CFAP53: variants seen among roughly 807,000 people sequenced by gnomAD.
The protein encoded by CFAP53 is cilia and flagella associated protein 53.
A neutral mutation model predicts 59.7 loss-of-function variants in CFAP53; 62 were observed. That is an observed-to-expected ratio of 1.04 (90% confidence interval 0.85 to 1.28). The LOEUF (loss-of-function observed/expected upper bound fraction) is 1.28, where lower values mean the gene tolerates loss of function less well. Ranked by LOEUF, CFAP53 falls within the 50% of genes most tolerant of loss-of-function variation. The probability of loss-of-function intolerance (pLI) is 0.00; values close to 1 mark genes in which losing one functional copy is unlikely to be tolerated. For missense variants in CFAP53, 629 were observed against 615.6 expected (o/e 1.02, Z -0.23); for synonymous variants, 218 against 205.7 (o/e 1.06, Z -0.51).
At chr18:50,253,263 G>A (rs953556381) in intron 3 of CFAP53, among the ~76,000 whole-genome samples, 1 of 152,042 alleles carries the variant, frequency 6.6e-6, no homozygotes, top group African/African-American at 2.4e-5. Context: ...TGATCCACCC[G>A]CCTCAGCCTC....
At chr18:50,229,986 G>C (rs957207475) in intron 7 of CFAP53, among the ~76,000 whole-genome samples, 8 of 151,954 alleles carry the variant, frequency 5.3e-5, no homozygotes, top group Non-Finnish European at 8.8e-5. Flanking sequence ...TCAAACTCCT[G>C]GGTTCAAGAG....
intron 3 of CFAP53, among the ~76,000 whole-genome samples, chr18:50,259,043 G>A (rs993374681): frequency 2.6e-5 from 4 of 152,142 alleles, no homozygotes; most frequent in African/African-American, 9.7e-5. Flanking sequence ...ACAGTTTGGA[G>A]GTTCCTCAAA....
chr18:50,237,517 C>T (rs1431838120), intron 7 of CFAP53, among the ~76,000 whole-genome samples: 1 of 150,570 alleles, frequency 6.6e-6, no homozygotes, highest in Non-Finnish European at 1.5e-5. Flanking sequence ...AGATCAGGCA[C>T]ATTAACCATA....
intron 5 of CFAP53, among the ~76,000 whole-genome samples, chr18:50,247,853 T>G (rs76123398): frequency 6.6e-6 from 1 of 152,204 alleles, no homozygotes; most frequent in East Asian, 1.9e-4. Flanking sequence ...TGTTCTAAAA[T>G]AAAATGTGAT....
At chr18:50,264,170 C>T (rs1034154938) in intron 1 of CFAP53, among the ~76,000 whole-genome samples, 1 of 152,152 alleles carries the variant, frequency 6.6e-6, no homozygotes, top group African/African-American at 2.4e-5. Context: ...TTCAAGTGCT[C>T]AAATGCTATG....
At chr18:50,263,459 A>T (rs2144438867) in intron 1 of CFAP53, among the ~76,000 whole-genome samples, 1 of 152,344 alleles carries the variant, frequency 6.6e-6, no homozygotes, top group Non-Finnish European at 1.5e-5. Context: ...GGCTCAGGGT[A>T]CACATATAGG....
chr18:50,264,886 G>A (rs1599134627), intron 1 of CFAP53, among the ~76,000 whole-genome samples: 1 of 152,204 alleles, frequency 6.6e-6, no homozygotes, highest in Non-Finnish European at 1.5e-5. Flanking sequence ...TTCATGAAGT[G>A]TGTTTATAAT....
intron 6 of CFAP53, among the ~76,000 whole-genome samples, chr18:50,239,119 G>C (rs2033664339): frequency 6.6e-6 from 1 of 150,796 alleles, no homozygotes; most frequent in African/African-American, 2.4e-5. Flanking sequence ...TGGGCACAAT[G>C]CCTCATGCCG....
chr18:50,265,441 A>C (rs2033941621), intron 1 of CFAP53, among the ~76,000 whole-genome samples: 1 of 152,246 alleles, frequency 6.6e-6, no homozygotes, highest in East Asian at 1.9e-4. Flanking sequence ...ATCCAAAAAA[A>C]AAATCTGAAA....
chr18:50,261,155 CTT>C lies in CFAP53; in HGVS notation c.380_381del (p.Lys127ArgfsTer2). 6.3e-7 allele frequency: 1 copy of C among 1,592,566 alleles called. No homozygotes were observed. Among genetic ancestry groups the C allele is most frequent in the Non-Finnish European group, 8.5e-7 (1 of 1,174,324 alleles). On this transcript the variant is annotated frameshift_variant, in exon 3 of 8. Transcript: ENST00000398545. LOFTEE classifies it high-confidence loss of function. ...AATTTAGTTTTCTCTCTCATCCTATCTTTTTTCTCCTCAATGGTTTCTTTCTT... is the reference window on the plus strand; with the variant it reads ...AATTTAGTTTTCTCTCTCATCCTATCTTTTCTCCTCAATGGTTTCTTTCTT... ...QLKKETIEEK[K>X]DRMREKTKLL... is the part of the protein sequence containing the mutation.
At chr18:50,255,464 A>G (rs781719701) in intron 3 of CFAP53, among the ~76,000 whole-genome samples, 28 of 152,166 alleles carry the variant, frequency 1.8e-4, no homozygotes, top group Non-Finnish European at 3.7e-4. Context: ...ATTGTATTAC[A>G]ATTATGTAAG....
At chr18:50,261,378 G>C in intron 2 of CFAP53, 141 bp from the exon 3 acceptor site, 4 of 1,031,974 alleles carry the variant, frequency 3.9e-6, no homozygotes, top group Non-Finnish European at 5.2e-6. Flanking sequence ...AGACTGGTTG[G>C]TTTGTTTTTT....
intron 3 of CFAP53, among the ~76,000 whole-genome samples, chr18:50,258,197 C>T (rs1180937161): frequency 6.6e-6 from 1 of 152,164 alleles, no homozygotes; most frequent in Non-Finnish European, 1.5e-5. Flanking sequence ...TACCTAACTT[C>T]GAATTATACT....
rs544975779 is a variant in CFAP53, at chr18:50,227,463, T to C, written c.1463A>G (p.Gln488Arg). 6.2e-7 allele frequency: 1 copy of C among 1,614,206 alleles called. No homozygotes were observed. Among genetic ancestry groups the C allele is most frequent in the Non-Finnish European group, 8.5e-7 (1 of 1,180,022 alleles). Residue 488 changes from glutamine to arginine, a missense_variant, in exon 8 of 8, where the codon CAG becomes CGG. Transcript: ENST00000398545. The part of the protein sequence containing the change: ...AANKMCLDKV[Q>R]EVLSTHQVLP... ...CACTTGATGGGTGGACAGGACCTCC[T>C]GGACCTTGTCCAAACACATCTTGTT...
At chr18:50,251,366 G>A (rs1038779553) in intron 4 of CFAP53, 115 bp downstream of exon 4, 4 of 904,646 alleles carry the variant, frequency 4.4e-6, no homozygotes, top group East Asian at 4.9e-5. Context: ...TCCAAAAATG[G>A]AAATGTGCCT....
chr18:50,262,015 T>C lies in CFAP53; in HGVS notation c.274A>G (p.Ile92Val), dbSNP rs1311764145. 3.7e-6 allele frequency: 6 copies of C among 1,612,822 alleles called. No individual in the cohort carries two copies. Among genetic ancestry groups the C allele is most frequent in the African/African-American group, 1.3e-5 (1 of 75,046 alleles). Residue 92 changes from isoleucine (I) to valine (V), a missense_variant, in exon 2 of 8, where the codon ATT becomes GTT. Transcript: ENST00000398545. ...RIKDAVQGFI[I>V]NIEERRNKLR... is the part of the protein sequence containing the mutation. Reference sequence around the variant, plus strand: ...TTATTTCGTCTTTCTTCAATGTTAATGATAAACCCTTGCACAGCATCCTTG... The same window carrying C: ...TTATTTCGTCTTTCTTCAATGTTAACGATAAACCCTTGCACAGCATCCTTG...
chr18:50,251,573 T>C lies in CFAP53; in HGVS notation c.685A>G (p.Asn229Asp), dbSNP rs574145243. Residue 229 changes from asparagine to aspartate, a missense_variant, in exon 4 of 8, where the codon AAC (asparagine) becomes GAC (aspartate). Physicochemically the swap from Asn to Asp is conservative, Grantham distance 23 (BLOSUM62 1). Coordinates refer to ENST00000398545, the MANE Select transcript of CFAP53 (RefSeq NM_145020.5). The part of the protein sequence containing the change: ...EARRQKELME[N>D]TRLGLNAQIT... ...TGGGCATTCAGCCCCAGGCGTGTGT[T>C]CTCCATCAGCTCTTTCTGTCTCCTC... 1.2e-6 allele frequency: 2 copies of C among 1,614,208 alleles called. No homozygotes were observed. The highest frequency in any genetic ancestry group is 2.7e-5 in the African/African-American group (2 of 75,050).
chr18:50,266,492 G>C lies in CFAP53; in HGVS notation c.-88C>G. 7.3e-7 allele frequency: 1 copy of C among 1,362,006 alleles called. No homozygotes were observed. The highest frequency in any genetic ancestry group is 1.1e-6 in the Non-Finnish European group (1 of 951,234). 84.4% of individuals were successfully genotyped at this position (1,362,006 alleles called of 1,614,324 possible). A position where few individuals can be genotyped will look rare whatever the true frequency, so the allele number is the denominator to read the frequency against. On this transcript the variant is annotated 5_prime_UTR_variant, in exon 1 of 8. Coordinates refer to ENST00000398545, the MANE Select transcript of CFAP53 (RefSeq NM_145020.5). ...CGGGACCCGCTTCCGCGACGCAGAAGTCTGGTTGCCATGGTGCGCCTCGCG... is the reference window on the plus strand; with the variant it reads ...CGGGACCCGCTTCCGCGACGCAGAACTCTGGTTGCCATGGTGCGCCTCGCG...
chr18:50,262,286 A>G lies in CFAP53; in HGVS notation c.70-67T>C, dbSNP rs1302145238. 5.4e-5 allele frequency: 72 copies of G among 1,329,162 alleles called. 1 individual carries two copies. The South Asian group carries it at 8.1e-4, about 15-fold the overall frequency. The allele number at this position is 1,329,162 out of a possible 1,614,324, so 82.3% of individuals were successfully genotyped here. ...ATCAACTGCATATTTTCAATTAGTT[A>G]TGCTCTCAATCAATACTCATACTAA... On this transcript the variant is annotated intron_variant, in intron 1 of 7. Coordinates refer to ENST00000398545, the MANE Select transcript of CFAP53 (RefSeq NM_145020.5).
Sources: allele counts gnomAD v4.1 joint callset (sites outside exome capture counted in the v4.1 genomes callset), GRCh38; gene constraint gnomAD v4.1.1; transcripts MANE v1.5; gene names NCBI Gene and HGNC (gene_info 2026-07-23, HGNC 2026-07-21).